The following ZNF225 variants were observed in gnomAD, a reference collection of about 807,000 sequenced individuals.
ZNF225 encodes the protein zinc finger protein 225.
Under a neutral mutation model 12.0 loss-of-function variants are expected in ZNF225, and 6 were observed. That is an observed-to-expected ratio of 0.50 (90% CI 0.27 to 0.98). The LOEUF (loss-of-function observed/expected upper bound fraction) is 0.98. Ranked by LOEUF, ZNF225 falls within the 50% of genes least tolerant of loss-of-function variation. The pLI is 0.11. For missense variants in ZNF225, 763 were observed against 848.2 expected, an observed-to-expected ratio of 0.90 and a Z score of 1.25; for synonymous variants, 271 against 283.2, an observed-to-expected ratio of 0.96 and a Z score of 0.43.
rs1206586744 is a variant in ZNF225 at position 44,131,019 on chromosome 19, T to G, written c.405T>G (p.Asp135Glu). The G allele has an allele frequency of 1.4e-5, 22 of 1,613,936 alleles. No homozygotes were observed. Among genetic ancestry groups the G allele is most frequent in the Non-Finnish European group, 1.9e-5 (22 of 1,179,932 alleles). Residue 135 changes from aspartate (D) to glutamate (E), a missense_variant, in exon 5 of 5, where the codon GAT (aspartate) becomes GAG (glutamate). Transcript: ENST00000262894. ...SKQDDMPCQV[D>E]AGLSIIHVRQ... ...AAGATGATATGCCCTGCCAGGTTGA[T>G]GCAGGACTATCTATAATTCACGTAA...
At chr19:44,125,632 C>G (rs1026566139) in intron 4 of ZNF225, among the ~76,000 whole-genome samples, 4 of 152,198 alleles carry the variant, frequency 2.6e-5, no homozygotes, top group African/African-American at 9.7e-5. Flanking sequence ...AATATGTTTT[C>G]CAAGCTTTTA....
chr19:44,133,772 CTA>C lies in ZNF225; in HGVS notation c.*1038_*1039del, dbSNP rs1968334323. On this transcript the variant is annotated 3_prime_UTR_variant, in exon 5 of 5. Transcript: ENST00000262894. The stretch of plus-strand genomic sequence containing the variant: ...AGGCTTTCTTCAGCAAAATCTATCT[CTA>C]GAGATAGATTTGATTTTTATAATCA... 1.3e-5 allele frequency: 2 copies of C among 150,778 alleles called. No individual in the cohort carries two copies. The highest frequency in any genetic ancestry group is 4.9e-5 in the African/African-American group (2 of 40,812). The allele number at this position is 150,778 out of a possible 1,614,324, so 9.3% of individuals were successfully genotyped here.
At chr19:44,112,076 TGAG>T (rs1199230045), upstream of ZNF225, 3 of 152,196 alleles carry the variant, frequency 2.0e-5, no homozygotes, top group Non-Finnish European at 2.9e-5. Context: ...CAGACCAGTT[TGAG>T]GAGGCAGTGT....
chr19:44,119,022 T>C (rs148430263), intron 4 of ZNF225, among the ~76,000 whole-genome samples: 2,218 of 152,220 alleles, frequency 0.015, 36 homozygotes, highest in African/African-American at 0.029. Context: ...TTCACCGTGT[T>C]AGCCAGGATG....
intron 4 of ZNF225, chr19:44,128,515 CACTT>C (rs1218244334): frequency 6.6e-6 from 1 of 152,260 alleles, no homozygotes; most frequent in African/African-American, 2.4e-5. Flanking sequence ...AGTAGGTACA[CACTT>C]ACTTACTAAT....
chr19:44,119,178 C>T (rs962736262), intron 4 of ZNF225, among the ~76,000 whole-genome samples: 1 of 152,136 alleles, frequency 6.6e-6, no homozygotes, highest in Admixed American at 6.5e-5. Flanking sequence ...ATGTGATCTG[C>T]TTTTCATCCC....
rs1357369336 is a variant in ZNF225, at chr19:44,134,054, A to G, written c.*1319A>G. The G allele has an allele frequency of 1.3e-5, 2 of 152,148 alleles. No individual in the cohort carries two copies. 9.4% of individuals were successfully genotyped at this position (152,148 alleles called of 1,614,324 possible). ...TCTCTCCAGATTCTATGATTTGCTA[A>G]GAGGACTCAGAATATAGTTGTACTC... On this transcript the variant is annotated 3_prime_UTR_variant, in exon 5 of 5. Transcript: ENST00000262894.
chr19:44,118,204 A>G lies in ZNF225; in HGVS notation c.32A>G (p.Lys11Arg), dbSNP rs1314431619. ...ATGCTGTAGGAGGCAGTGACCTTCAAGGACGTGGCTGTGGTCTTCACTGAG... is the reference window on the plus strand; with the variant it reads ...ATGCTGTAGGAGGCAGTGACCTTCAGGGACGTGGCTGTGGTCTTCACTGAG... MTTLKEAVTF[K>R]DVAVVFTEEE... The change falls in exon 3 of 5, where the codon AAG (lysine) becomes AGG (arginine). Residue 11 changes from lysine to arginine, a missense_variant. Coordinates refer to ENST00000262894, the MANE Select transcript of ZNF225 (RefSeq NM_013362.4). 2 of 1,612,358 alleles carry G rather than the reference A, an allele frequency of 1.2e-6. No individual in the cohort carries two copies. Among genetic ancestry groups the G allele is most frequent in the Non-Finnish European group, 1.7e-6 (2 of 1,179,220 alleles).
intron 4 of ZNF225, among the ~76,000 whole-genome samples, chr19:44,120,533 T>C (rs1200170719): frequency 1.3e-5 from 2 of 152,088 alleles, no homozygotes; most frequent in Non-Finnish European, 2.9e-5. Flanking sequence ...TTGCAGAACA[T>C]GTTTCTGTCT....
intron 4 of ZNF225, chr19:44,129,360 G>C (rs1968201642): frequency 3.6e-6 from 1 of 276,530 alleles, no homozygotes; most frequent in Non-Finnish European, 6.7e-6. Flanking sequence ...GGTTTTTATA[G>C]GGGAAAGATG....
Position 44,132,572 on chromosome 19 carries a change from A to G in ZNF225, c.1958A>G (p.Gln653Arg). 1 of 1,614,164 alleles carries G rather than the reference A, an allele frequency of 6.2e-7. No individual in the cohort carries two copies. The highest frequency in any genetic ancestry group is 8.5e-7 in the Non-Finnish European group (1 of 1,179,988). The change falls in exon 5 of 5, where the codon CAA (glutamine) becomes CGA (arginine). Residue 653 changes from glutamine (Q) to arginine (R), a missense_variant. By Grantham distance (43) the Gln-to-Arg change is conservative (BLOSUM62 1). Coordinates refer to ENST00000262894, the MANE Select transcript of ZNF225 (RefSeq NM_013362.4). ...QRLHSREKLL[Q>R]CEDCGKSIVH... is the part of the protein sequence containing the mutation. ...CTCCACAGTAGAGAAAAACTACTTC[A>G]ATGTGAGGACTGTGGGAAGAGCATT... is the stretch of plus-strand genomic sequence containing the variant.
chr19:44,131,480 A>C lies in ZNF225; in HGVS notation c.866A>C (p.Lys289Thr), dbSNP rs762627567. The part of the protein sequence containing the change: ...QRIHTGEKPF[K>T]CDICCKSFRS... ...ATCCATACTGGGGAGAAGCCATTCA[A>C]ATGTGATATATGTTGTAAGAGCTTC... Residue 289 changes from lysine (K) to threonine (T), a missense_variant, in exon 5 of 5, where the codon AAA becomes ACA. Physicochemically the swap from Lys to Thr is moderately conservative, Grantham distance 78. Coordinates refer to ENST00000262894, the MANE Select transcript of ZNF225 (RefSeq NM_013362.4). 6.2e-7 allele frequency: 1 copy of C among 1,614,066 alleles called. No homozygotes were observed. Among genetic ancestry groups the C allele is most frequent in the African/African-American group, 1.3e-5 (1 of 74,924 alleles).
chr19:44,118,992 A>G (rs1043732115), intron 4 of ZNF225, among the ~76,000 whole-genome samples: 7 of 151,442 alleles, frequency 4.6e-5, no homozygotes, highest in African/African-American at 1.7e-4. Context: ...AATTTTTTGT[A>G]TTTTTAGTAG....
At chr19:44,119,544 T>C (rs1380441727) in intron 4 of ZNF225, among the ~76,000 whole-genome samples, 3 of 152,222 alleles carry the variant, frequency 2.0e-5, no homozygotes, top group Non-Finnish European at 2.9e-5. Context: ...CTGACCCTTC[T>C]TCCATAGTCA....
At chr19:44,117,294 G>A (rs1006388349) in intron 2 of ZNF225, among the ~76,000 whole-genome samples, 1 of 152,190 alleles carries the variant, frequency 6.6e-6, no homozygotes, top group African/African-American at 2.4e-5. Context: ...AGAGCCTTGG[G>A]ATGTGCTTTT....
chr19:44,132,649 A>T lies in ZNF225; in HGVS notation c.2035A>T (p.Thr679Ser), dbSNP rs16978738. 0.018 allele frequency: 28,497 copies of T among 1,613,854 alleles called. 1,817 individuals are homozygous for T. The Admixed American group carries it at 0.19, about 11-fold the overall frequency. ...DQQRDQSGEK[T>S]SKCEDCGKRY... ...ACAAAGAGACCAAAGTGGAGAGAAA[A>T]CATCTAAATGTGAGGACTGTGGGAA... Residue 679 changes from threonine to serine, a missense_variant, in exon 5 of 5, where the codon ACA becomes TCA. By Grantham distance (58) the Thr-to-Ser change is moderately conservative (BLOSUM62 1). Coordinates refer to ENST00000262894, the MANE Select transcript of ZNF225 (RefSeq NM_013362.4).
chr19:44,131,484 T>C lies in ZNF225; in HGVS notation c.870T>C (p.Cys290=). ...RIHTGEKPFK[C]DICCKSFRSR... ...ATACTGGGGAGAAGCCATTCAAATGTGATATATGTTGTAAGAGCTTCCGTA... is the reference window on the plus strand; with the variant it reads ...ATACTGGGGAGAAGCCATTCAAATGCGATATATGTTGTAAGAGCTTCCGTA... The change falls in exon 5 of 5, where the codon TGT becomes TGC. Residue 290 remains cysteine (C), a synonymous_variant. Coordinates refer to ENST00000262894, the MANE Select transcript of ZNF225 (RefSeq NM_013362.4). The C allele has an allele frequency of 1.2e-6, 2 of 1,614,124 alleles. No homozygotes were observed. The highest frequency in any genetic ancestry group is 2.7e-5 in the African/African-American group (2 of 75,038).
chr19:44,115,359 T>C lies in ZNF225; in HGVS notation c.-68-401T>C, dbSNP rs116776196. Among the ~76,000 whole-genome samples the C allele has an allele frequency of 2.0e-3, 302 of 152,340 alleles. 2 individuals are homozygous for C. The highest frequency in any genetic ancestry group is 7.1e-3 in the African/African-American group (297 of 41,572). On this transcript the variant is annotated intron_variant, in intron 1 of 4. Coordinates refer to ENST00000262894, the MANE Select transcript of ZNF225 (RefSeq NM_013362.4). Reference sequence around the variant, plus strand: ...TGTGCTCACTTATAGTTAATCCTCTTTGTCACCTCAAATATGCAGAGACCA... The same window carrying C: ...TGTGCTCACTTATAGTTAATCCTCTCTGTCACCTCAAATATGCAGAGACCA...
At chr19:44,119,957 G>A (rs972036933) in intron 4 of ZNF225, among the ~76,000 whole-genome samples, 4 of 152,144 alleles carry the variant, frequency 2.6e-5, no homozygotes, top group African/African-American at 7.2e-5. Flanking sequence ...GGTAGCTCAC[G>A]CCTGTAATCC....
Sources: gnomAD v4.1 joint callset for allele counts (sites outside exome capture counted in the v4.1 genomes callset) on GRCh38, gnomAD v4.1.1 for gene constraint, MANE v1.5 for transcripts, NCBI Gene and HGNC (gene_info 2026-07-23, HGNC 2026-07-21) for gene names.